SUGCT: variants seen among roughly 807,000 people sequenced by gnomAD.
The protein encoded by SUGCT is succinyl-CoA:glutarate-CoA transferase.
A neutral mutation model predicts 55.0 loss-of-function variants in SUGCT; 41 were observed. The ratio of observed to expected loss-of-function variants is 0.74; its 90% confidence interval spans 0.58 to 0.97. The LOEUF is 0.97. Among genes scored for constraint, SUGCT ranks in the 50% least tolerant of loss-of-function variants. SUGCT has a pLI of 0.00. For synonymous variants in SUGCT, 187 were observed against 200.4 expected (o/e 0.93, Z 0.56); for missense variants, 568 against 547.8 (o/e 1.04, Z -0.37).
At chr7:40,284,260 A>T (rs1441249187) in intron 8 of SUGCT, among the ~76,000 whole-genome samples, 2 of 152,100 alleles carry the variant, frequency 1.3e-5, no homozygotes, top group African/African-American at 4.8e-5. Context: ...TGTGTACTTT[A>T]AATTTCGTAA....
chr7:40,755,110 A>C (rs1788190496), intron 13 of SUGCT, among the ~76,000 whole-genome samples: 1 of 152,192 alleles, frequency 6.6e-6, no homozygotes. Flanking sequence ...CCAGAGGAAT[A>C]AGTTCTAAAA....
chr7:40,642,833 C>T (rs1257566678), intron 12 of SUGCT, among the ~76,000 whole-genome samples: 3 of 152,264 alleles, frequency 2.0e-5, no homozygotes, highest in South Asian at 2.1e-4. Flanking sequence ...TCACCGCCTC[C>T]TTGCTCATGG....
intron 12 of SUGCT, among the ~76,000 whole-genome samples, chr7:40,712,006 C>A (rs1785750371): frequency 6.6e-6 from 1 of 152,198 alleles, no homozygotes; most frequent in Admixed American, 6.5e-5. Flanking sequence ...GTGAGGTCCG[C>A]ATCAAAGATG....
At chr7:40,877,664 T>C in the SUGCT span, among the ~76,000 whole-genome samples, 1 of 152,244 alleles carries the variant, frequency 6.6e-6, no homozygotes, top group Non-Finnish European at 1.5e-5. Context: ...TTAACCTGTA[T>C]ACACCAAGAG....
chr7:40,243,013 C>G lies in SUGCT; in HGVS notation c.576+5287C>G, dbSNP rs185969938. Among the ~76,000 whole-genome samples the G allele has an allele frequency of 3.3e-3, 432 of 132,658 alleles. 2 individuals are homozygous for G. The highest frequency in any genetic ancestry group is 0.012 in the African/African-American group (414 of 34,972). The allele number at this position is 132,658 out of a possible 152,430, so 87.0% of individuals were successfully genotyped here. The stretch of plus-strand genomic sequence containing the variant: ...AGGCTGGTGTAATCATGGCTCACAG[C>G]AGCCTCAACATCCCGGGGCTCAGGT... On this transcript the variant is annotated intron_variant, in intron 7 of 13. Transcript: ENST00000335693.
At chr7:40,728,778 A>G (rs567985827) in intron 12 of SUGCT, among the ~76,000 whole-genome samples, 1 of 152,228 alleles carries the variant, frequency 6.6e-6, no homozygotes, top group Non-Finnish European at 1.5e-5. Context: ...GTGCTCTTCT[A>G]TAGGTCCAGT....
intron 12 of SUGCT, among the ~76,000 whole-genome samples, chr7:40,609,550 C>CAAAA (rs934513690): frequency 1.4e-5 from 1 of 70,846 alleles, no homozygotes; most frequent in Admixed American, 1.5e-4. Flanking sequence ...GACTCCATCT[C>CAAAA]AAAAAAAAAA....
Position 40,135,118 on chromosome 7 carries a change from C to G in SUGCT, c.98C>G (p.Ser33Ter), listed in dbSNP as rs1787607551. Residue 33 changes from serine to a stop codon, truncating the protein, a stop_gained and splice_region_variant, in exon 1 of 14, where the codon TCA becomes TGA. Transcript: ENST00000335693. LOFTEE classifies it high-confidence loss of function. ...GGGCTGTGGACTGGCCGCCCGCAGT[C>G]AGGTACCCTCCGAGATTCGGTCTGG... ...GRGLWTGRPQ[S>*]DMNNIKPLEG... is the part of the protein sequence containing the mutation. 3 of 1,552,396 alleles carry G rather than the reference C, an allele frequency of 1.9e-6. No individual in the cohort carries two copies. The highest frequency in any genetic ancestry group is 1.9e-5 in the Admixed American group (1 of 51,544).
chr7:40,653,685 C>A (rs1311467511), intron 12 of SUGCT, among the ~76,000 whole-genome samples: 1 of 152,210 alleles, frequency 6.6e-6, no homozygotes, highest in East Asian at 1.9e-4. Flanking sequence ...TCCTAATCCT[C>A]ACCCAGATAG....
At chr7:40,582,310 T>C (rs1797143654) in intron 12 of SUGCT, among the ~76,000 whole-genome samples, 1 of 152,162 alleles carries the variant, frequency 6.6e-6, no homozygotes, top group Admixed American at 6.5e-5. Flanking sequence ...GTACGTGATT[T>C]CCTAACTGAG....
chr7:40,437,921 T>C (rs1354459798), intron 9 of SUGCT, among the ~76,000 whole-genome samples: 1 of 152,124 alleles, frequency 6.6e-6, no homozygotes, highest in African/African-American at 2.4e-5. Context: ...AAATTTTTTG[T>C]ATTTTATTTA....
intron 9 of SUGCT, among the ~76,000 whole-genome samples, chr7:40,382,488 G>A (rs1191443532): frequency 6.6e-6 from 1 of 151,992 alleles, no homozygotes; most frequent in Non-Finnish European, 1.5e-5. Flanking sequence ...TTTTTTGAAA[G>A]GAAATACTCT....
At chr7:41,010,189 A>G in the SUGCT span, among the ~76,000 whole-genome samples, 3 of 152,184 alleles carry the variant, frequency 2.0e-5, no homozygotes, top group Non-Finnish European at 4.4e-5. Flanking sequence ...CTGAATGTAA[A>G]CTGTGATATT....
chr7:40,956,140 C>T, the SUGCT span, among the ~76,000 whole-genome samples: 6 of 152,178 alleles, frequency 3.9e-5, no homozygotes. Context: ...ATGCTGGCCT[C>T]ACAAAAAGAG....
intron 13 of SUGCT, among the ~76,000 whole-genome samples, chr7:40,835,305 C>G (rs1410591842): frequency 6.6e-6 from 1 of 152,172 alleles, no homozygotes; most frequent in Non-Finnish European, 1.5e-5. Context: ...AGCATAAGAA[C>G]AACAGAATTA....
chr7:40,153,292 A>C, intron 1 of SUGCT: 1 of 398,854 alleles, frequency 2.5e-6, no homozygotes. Flanking sequence ...CTCAAGTGTA[A>C]AGTTTAGAGT....
chr7:40,981,373 C>T, the SUGCT span, among the ~76,000 whole-genome samples: 2 of 152,202 alleles, frequency 1.3e-5, no homozygotes, highest in Non-Finnish European at 2.9e-5. Context: ...CTTTAGTTCA[C>T]ACTGGCAGTG....
chr7:40,929,813 G>C, the SUGCT span, among the ~76,000 whole-genome samples: 2 of 152,164 alleles, frequency 1.3e-5, no homozygotes, highest in African/African-American at 4.8e-5. Flanking sequence ...GTAGATTCTG[G>C]ATATTAGCCC....
At chr7:40,969,380 A>T in the SUGCT span, among the ~76,000 whole-genome samples, 1 of 152,176 alleles carries the variant, frequency 6.6e-6, no homozygotes, top group Non-Finnish European at 1.5e-5. Context: ...ATTTATTTAG[A>T]GACAGAATGG....
Sources: allele counts gnomAD v4.1 joint callset (sites outside exome capture counted in the v4.1 genomes callset), GRCh38; gene constraint gnomAD v4.1.1; transcripts MANE v1.5; gene names NCBI Gene and HGNC (gene_info 2026-07-23, HGNC 2026-07-21).